The following ADGRA3 variants were observed in gnomAD, a reference collection of about 807,000 sequenced individuals.
The protein encoded by ADGRA3 is G-protein coupled receptor 125.
ADGRA3 carries 56 observed loss-of-function variants against 119.8 expected under a neutral mutation model. The ratio of observed to expected loss-of-function variants is 0.47; its 90% CI spans 0.38 to 0.58. The LOEUF (loss-of-function observed/expected upper bound fraction) is 0.58. Ranked by LOEUF, ADGRA3 falls within the 20% of genes least tolerant of loss-of-function variation. ADGRA3 has a pLI of 0.00. For missense variants in ADGRA3, 1,516 were observed against 1,649.0 expected (o/e 0.92, Z 1.40); for synonymous variants, 607 against 623.8 (o/e 0.97, Z 0.40).
rs539805978 is a variant in ADGRA3 at position 22,391,520 on chromosome 4, C to G, written c.2627+1025G>C. Among the ~76,000 whole-genome samples the G allele has an allele frequency of 3.3e-5, 5 of 152,304 alleles. 1 individual carries two copies. In the South Asian group the frequency reaches 1.0e-3, roughly 32 times the overall value. On this transcript the variant is annotated intron_variant, in intron 17 of 18. Coordinates refer to ENST00000334304, the MANE Select transcript of ADGRA3 (RefSeq NM_145290.4). ...TCAAACTTGTGTCCTCTTCTGTGTT[C>G]TCCCTGACACTGTTCTGGTCTTCAT...
intron 7 of ADGRA3, among the ~76,000 whole-genome samples, chr4:22,441,344 T>C (rs1716604964): frequency 6.6e-6 from 1 of 152,194 alleles, no homozygotes; most frequent in South Asian, 2.1e-4. Flanking sequence ...TCAGCCAAGC[T>C]AACTGCCTGA....
intron 16 of ADGRA3, among the ~76,000 whole-genome samples, chr4:22,395,822 A>T (rs2108998795): frequency 6.6e-6 from 1 of 152,342 alleles, no homozygotes; most frequent in East Asian, 1.9e-4. Context: ...TAGGGTTAAT[A>T]TGAAGGTTAA....
chr4:22,413,801 T>C lies in ADGRA3; in HGVS notation c.1823A>G (p.Glu608Gly). 6.2e-7 allele frequency: 1 copy of C among 1,609,428 alleles called. No individual in the cohort carries two copies. Among genetic ancestry groups the C allele is most frequent in the Non-Finnish European group, 8.5e-7 (1 of 1,178,046 alleles). Reference protein sequence around the residue: ...SSLALKNTIVEASIQLPPSLF... With the variant: ...SSLALKNTIVGASIQLPPSLF... ...GGAAGGAGGAAGCTGAATAGAAGCCTCCACAATAGTATTCTGAAAAAATAT... is the reference window on the plus strand; with the variant it reads ...GGAAGGAGGAAGCTGAATAGAAGCCCCCACAATAGTATTCTGAAAAAATAT... The change falls in exon 13 of 19, where the codon GAG becomes GGG. Residue 608 changes from glutamate to glycine, a missense_variant. Around this residue, in one of 2 missense-constraint regions of ADGRA3, gnomAD observed 1,088 missense variants for 1,107.1 expected, o/e 0.98. Transcript: ENST00000334304.
chr4:22,392,611 A>G lies in ADGRA3; in HGVS notation c.2561T>C (p.Val854Ala), dbSNP rs576433232. Residue 854 changes from valine to alanine, a missense_variant, in exon 17 of 19, where the codon GTC (valine) becomes GCC (alanine). Coordinates refer to ENST00000334304, the MANE Select transcript of ADGRA3 (RefSeq NM_145290.4). ...GVTARNIYKQ[V>A]TKKAKRCQDP... The stretch of plus-strand genomic sequence containing the variant: ...CTGGCATCTTTTAGCTTTTTTAGTG[A>G]CTTGTTTGTAGATATTTCGAGCTGT... 1.9e-6 allele frequency: 3 copies of G among 1,613,970 alleles called. No individual in the cohort carries two copies. Among genetic ancestry groups the G allele is most frequent in the African/African-American group, 2.7e-5 (2 of 75,026 alleles).
In ADGRA3 at chr4:22,512,353, T is replaced by C. The variant is rs375986727; in HGVS notation, c.257+3175A>G. The stretch of plus-strand genomic sequence containing the variant: ...GCATTGACCATACTGTTCTGAGACT[T>C]AGTCATGAATTTTTCTCCCCAAATA... On this transcript the variant is annotated intron_variant, in intron 1 of 18. Coordinates refer to ENST00000334304, the MANE Select transcript of ADGRA3 (RefSeq NM_145290.4). 7.9e-5 allele frequency among the ~76,000 whole-genome samples: 12 copies of C among 152,270 alleles called. No individual in the cohort carries two copies. The South Asian group carries it at 2.3e-3, about 29-fold the overall frequency.
At chr4:22,490,416 A>C (rs1718582665) in intron 1 of ADGRA3, among the ~76,000 whole-genome samples, 1 of 152,204 alleles carries the variant, frequency 6.6e-6, no homozygotes, top group African/African-American at 2.4e-5. Context: ...TCTAATTGAA[A>C]GCTTTCTACT....
At chr4:22,414,027 A>G in intron 12 of ADGRA3, 3 of 417,678 alleles carry the variant, frequency 7.2e-6, no homozygotes, top group Non-Finnish European at 8.4e-6. Context: ...AGAAATGCAA[A>G]CTTTAAAGAG....
At chr4:22,429,062 G>A (rs148270745) in intron 10 of ADGRA3, among the ~76,000 whole-genome samples, 72 of 152,204 alleles carry the variant, frequency 4.7e-4, no homozygotes, top group African/African-American at 1.6e-3. Context: ...GAGAGATGAT[G>A]TGTCTACCAT....
rs1346098098 is a variant in ADGRA3 at position 22,454,324 on chromosome 4, C to T, written c.473+542G>A. The stretch of plus-strand genomic sequence containing the variant: ...GCTACTATTAATCCTACTTTGTAGA[C>T]GAAAAACAGAAAAGTTCAGAAAAGT... On this transcript the variant is annotated intron_variant, in intron 4 of 18. Coordinates refer to ENST00000334304, the MANE Select transcript of ADGRA3 (RefSeq NM_145290.4). Among the ~76,000 whole-genome samples, 3 of 151,984 alleles carry T rather than the reference C, an allele frequency of 2.0e-5. No individual in the cohort carries two copies. The East Asian group carries it at 5.8e-4, about 29-fold the overall frequency.
At chr4:22,435,593 G>T in intron 9 of ADGRA3, 127 bp from the exon 10 acceptor site, 1 of 798,178 alleles carries the variant, frequency 1.3e-6, no homozygotes, top group Non-Finnish European at 1.8e-6. Context: ...ACTCATCATG[G>T]CCTTCTTAAA....
In ADGRA3 at chr4:22,420,659, A is replaced by C; in HGVS notation, c.1809+227T>G. 5.3e-6 allele frequency: 3 copies of C among 565,118 alleles called. No homozygotes were observed. In the South Asian group the frequency reaches 7.6e-5, roughly 14 times the overall value. 35.0% of individuals were successfully genotyped at this position (565,118 alleles called of 1,614,324 possible). ...CTGCAGTTATAAAATGTAATTTCTG[A>C]TATTTTTATGTGAAGAAAGGGAATC... is the stretch of plus-strand genomic sequence containing the variant. On this transcript the variant is annotated intron_variant, in intron 12 of 18. Coordinates refer to ENST00000334304, the MANE Select transcript of ADGRA3 (RefSeq NM_145290.4).
chr4:22,494,995 TAGG>T (rs2109156104), intron 1 of ADGRA3, among the ~76,000 whole-genome samples: 1 of 152,098 alleles, frequency 6.6e-6, no homozygotes, highest in Non-Finnish European at 1.5e-5. Flanking sequence ...TCAGGTACAG[TAGG>T]AGATTAAAAA....
At chr4:22,485,720 G>T (rs773284591) in intron 1 of ADGRA3, among the ~76,000 whole-genome samples, 2 of 152,160 alleles carry the variant, frequency 1.3e-5, no homozygotes, top group Non-Finnish European at 2.9e-5. Flanking sequence ...CCTCATATCC[G>T]TGGAGATGGA....
At chr4:22,422,540 C>G (rs187494662) in intron 11 of ADGRA3, among the ~76,000 whole-genome samples, 75 of 149,766 alleles carry the variant, frequency 5.0e-4, no homozygotes, top group African/African-American at 1.7e-3. Context: ...GATCTTCTGA[C>G]AAGCAGCAGT....
At chr4:22,501,775 G>GA (rs112669194) in intron 1 of ADGRA3, among the ~76,000 whole-genome samples, 27,858 of 139,598 alleles carry the variant, frequency 0.2, 2,905 homozygotes, top group Admixed American at 0.26. Flanking sequence ...GGGAAAAGAT[G>GA]AAAAAAAAAA....
intron 1 of ADGRA3, among the ~76,000 whole-genome samples, chr4:22,481,989 GC>G (rs896700689): frequency 7.9e-5 from 12 of 152,132 alleles, no homozygotes; most frequent in African/African-American, 2.4e-4. Flanking sequence ...CATGGCATCA[GC>G]AATTAAATCA....
chr4:22,389,014 T>A (rs1182752877), intron 18 of ADGRA3, 67 bp from the exon 19 acceptor site: 38 of 1,595,304 alleles, frequency 2.4e-5, no homozygotes, highest in Non-Finnish European at 3.1e-5. Flanking sequence ...GAAATTGCAA[T>A]CACCTGTAAT....
At chr4:22,401,790 C>G (rs1714665127) in intron 15 of ADGRA3, among the ~76,000 whole-genome samples, 1 of 151,990 alleles carries the variant, frequency 6.6e-6, no homozygotes. Context: ...AAACAAAAAG[C>G]CATTTATAGA....
At chr4:22,417,903 G>A (rs749349729) in intron 12 of ADGRA3, among the ~76,000 whole-genome samples, 5 of 152,278 alleles carry the variant, frequency 3.3e-5, no homozygotes, top group Admixed American at 1.3e-4. Context: ...ACTTCAGCTG[G>A]ACTGAAGCTC....
Sources: gnomAD v4.1 joint callset for allele counts (sites outside exome capture counted in the v4.1 genomes callset) on GRCh38, gnomAD v4.1.1 for gene constraint, gnomAD v4.1.1 regional missense constraint, MANE v1.5 for transcripts, NCBI Gene and HGNC (gene_info 2026-07-23, HGNC 2026-07-21) for gene names.